The following RBP7 variants were observed in gnomAD, a reference collection of about 807,000 sequenced individuals.
RBP7 encodes the protein retinoid-binding protein 7.
In RBP7, 13 loss-of-function variants were observed where a neutral mutation model predicts 16.7. The observed-to-expected ratio is 0.78, with a 90% CI of 0.51 to 1.24. The LOEUF (loss-of-function observed/expected upper bound fraction) is 1.24. Ranked by LOEUF, RBP7 falls within the 50% of genes most tolerant of loss-of-function variation. RBP7 has a pLI of 0.00. For synonymous variants in RBP7, 54 were observed against 56.2 expected (o/e 0.96, Z 0.17); for missense variants, 145 against 159.5 (o/e 0.91, Z 0.49).
chr1:10,011,268 G>A (rs776345790), intron 3 of RBP7, among the ~76,000 whole-genome samples: 1 of 152,032 alleles, frequency 6.6e-6, no homozygotes, highest in East Asian at 1.9e-4. Flanking sequence ...GAAGGAAGAG[G>A]TTCACCTGCT....
At position 10,012,591 on chromosome 1, in the gene RBP7, A is replaced by G. The variant is rs1642655975; in HGVS notation, c.355-3191A>G. 5.3e-5 allele frequency among the ~76,000 whole-genome samples: 8 copies of G among 150,784 alleles called. No individual in the cohort carries two copies. The Admixed American group carries it at 5.3e-4, about 10-fold the overall frequency. ...AAGATTGCTTGAGCCCAGGAGTTTG[A>G]GTCAAGCCTGGGGAACGTAGGACTA... On this transcript the variant is annotated intron_variant, in intron 3 of 3. Coordinates refer to ENST00000294435, the MANE Select transcript of RBP7 (RefSeq NM_052960.3).
rs772810621 is a variant in RBP7 at position 9,998,407 on chromosome 1, CT to C, written c.73+1094del. On this transcript the variant is annotated intron_variant, in intron 1 of 3. Coordinates refer to ENST00000294435, the MANE Select transcript of RBP7 (RefSeq NM_052960.3). ...TCTTTTTTTCTTTCTTTCTTTCTTT[CT>C]TTTTTTTTTTTTTTTTTGAGACGGA... Among the ~76,000 whole-genome samples, 890 of 121,526 alleles carry C rather than the reference CT, an allele frequency of 7.3e-3. 6 individuals are homozygous for C. Among genetic ancestry groups the C allele is most frequent in the African/African-American group, 0.028 (847 of 29,920 alleles). 79.7% of individuals were successfully genotyped at this position (121,526 alleles called of 152,430 possible). A position where few individuals can be genotyped will look rare whatever the true frequency, so the allele number is the denominator to read the frequency against.
intron 3 of RBP7, among the ~76,000 whole-genome samples, chr1:10,012,027 C>T (rs1190568336): frequency 2.0e-5 from 3 of 151,612 alleles, no homozygotes; most frequent in African/African-American, 7.3e-5. Context: ...CATGGAGAAA[C>T]TCCCGTCTCT....
At chr1:10,014,452 C>T (rs1642719320) in intron 3 of RBP7, among the ~76,000 whole-genome samples, 1 of 149,800 alleles carries the variant, frequency 6.7e-6, no homozygotes, top group African/African-American at 2.5e-5. Flanking sequence ...GTGGCGCAAT[C>T]TTGGCTCACT....
At chr1:10,009,662 G>T (rs912978883) in intron 3 of RBP7, among the ~76,000 whole-genome samples, 12 of 151,732 alleles carry the variant, frequency 7.9e-5, no homozygotes, top group Non-Finnish European at 1.6e-4. Context: ...CTCCCGAGTA[G>T]CTGGGACTAC....
At chr1:10,000,151 C>G (rs1345641174) in intron 1 of RBP7, among the ~76,000 whole-genome samples, 1 of 151,924 alleles carries the variant, frequency 6.6e-6, no homozygotes, top group Non-Finnish European at 1.5e-5. Flanking sequence ...TTGCTTGAAC[C>G]CAGAAGGTGG....
intron 1 of RBP7, among the ~76,000 whole-genome samples, chr1:10,000,343 C>T (rs1288000664): frequency 6.6e-6 from 1 of 152,020 alleles, no homozygotes; most frequent in Non-Finnish European, 1.5e-5. Flanking sequence ...ACCAGCCTGG[C>T]CAACATGGTG....
intron 1 of RBP7, among the ~76,000 whole-genome samples, chr1:9,998,534 G>A (rs1009557380): frequency 6.7e-6 from 1 of 149,570 alleles, no homozygotes; most frequent in Non-Finnish European, 1.5e-5. Flanking sequence ...CAGCCTCTCC[G>A]AGTAGCTGGG....
At chr1:10,005,827 T>A (rs1219144210) in intron 1 of RBP7, among the ~76,000 whole-genome samples, 1 of 152,114 alleles carries the variant, frequency 6.6e-6, no homozygotes, top group Non-Finnish European at 1.5e-5. Context: ...CCTCCCAAAG[T>A]GCTGGGATTA....
In RBP7 at chr1:10,015,927, A is replaced by G; in HGVS notation, c.*95A>G. 1 of 1,194,440 alleles carries G rather than the reference A, an allele frequency of 8.4e-7. No homozygotes were observed. 74.0% of individuals were successfully genotyped at this position (1,194,440 alleles called of 1,614,324 possible). A position where few individuals can be genotyped will look rare whatever the true frequency, so the allele number is the denominator to read the frequency against. Reference sequence around the variant, plus strand: ...CGTTTATCTATCCCATTTGGCGACGAGGACTCGTGGCTGGAGAGAGCCACA... The same window carrying G: ...CGTTTATCTATCCCATTTGGCGACGGGGACTCGTGGCTGGAGAGAGCCACA... On this transcript the variant is annotated 3_prime_UTR_variant, in exon 4 of 4. Coordinates refer to ENST00000294435, the MANE Select transcript of RBP7 (RefSeq NM_052960.3).
chr1:10,002,795 G>C (rs1642314220), intron 1 of RBP7, among the ~76,000 whole-genome samples: 1 of 152,030 alleles, frequency 6.6e-6, no homozygotes, highest in Admixed American at 6.6e-5. Context: ...TGAGCCACTG[G>C]ACCTGGCCCA....
intron 3 of RBP7, 56 bp from the exon 4 acceptor site, chr1:10,015,725 TA>T: frequency 6.8e-7 from 1 of 1,466,154 alleles, no homozygotes; most frequent in Non-Finnish European, 9.6e-7. Context: ...GTGTTGAGAG[TA>T]AAAACAGACC....
chr1:10,013,667 G>A (rs989345133), intron 3 of RBP7, among the ~76,000 whole-genome samples: 10 of 151,966 alleles, frequency 6.6e-5, no homozygotes, highest in East Asian at 3.9e-4. Flanking sequence ...AAAATTAGCC[G>A]GGTGTGGTGG....
At chr1:10,014,339 A>G (rs1299702585) in intron 3 of RBP7, among the ~76,000 whole-genome samples, 2 of 151,160 alleles carry the variant, frequency 1.3e-5, no homozygotes, top group South Asian at 2.1e-4. Context: ...ACTTTGCCCT[A>G]TGCGTCTCTT....
chr1:9,997,294 C>T lies in RBP7; in HGVS notation c.36C>T (p.Leu12=), dbSNP rs2101728980. Residue 12 remains leucine, a synonymous_variant, in exon 1 of 4, where the codon CTC becomes CTT. Transcript: ENST00000294435. The surrounding 1 kb of genome is among the most constrained non-coding windows in gnomAD (Gnocchi z 5.9). ...PADLSGTWTL[L]SSDNFEGYML... ...ACCTCAGCGGTACTTGGACCCTGCTCAGCAGCGACAACTTCGAGGGCTACA... is the reference window on the plus strand; with the variant it reads ...ACCTCAGCGGTACTTGGACCCTGCTTAGCAGCGACAACTTCGAGGGCTACA... 2 of 1,611,442 alleles carry T rather than the reference C, an allele frequency of 1.2e-6. No homozygotes were observed. The highest frequency in any genetic ancestry group is 2.7e-5 in the African/African-American group (2 of 74,858).
chr1:10,003,755 TTTTA>T (rs892868533), intron 1 of RBP7, among the ~76,000 whole-genome samples: 52 of 152,110 alleles, frequency 3.4e-4, no homozygotes, highest in Admixed American at 2.4e-3. Context: ...ACATATTTTA[TTTTA>T]TTTATTTATT....
At position 10,007,599 on chromosome 1, in the gene RBP7, A is replaced by T. The variant is rs376604040; in HGVS notation, c.103A>T (p.Lys35Ter). 1.2e-5 allele frequency: 19 copies of T among 1,612,180 alleles called. No individual in the cohort carries two copies. Among genetic ancestry groups the T allele is most frequent in the Non-Finnish European group, 1.6e-5 (19 of 1,179,572 alleles). ...TGACTTTGCCACTCGTAAAATAGCCAAGTTGCTGAAGCCACAGAAAGTGAT... is the reference window on the plus strand; with the variant it reads ...TGACTTTGCCACTCGTAAAATAGCCTAGTTGCTGAAGCCACAGAAAGTGAT... ...GIDFATRKIAKLLKPQKVIEQ... is the reference protein window; with the variant it reads ...GIDFATRKIA Residue 35 changes from lysine to a stop codon, truncating the protein, a stop_gained, in exon 2 of 4, where the codon AAG becomes TAG. Transcript: ENST00000294435. LOFTEE classifies it high-confidence loss of function.
Position 10,010,583 on chromosome 1 carries a change from A to T in RBP7, c.354+2309A>T, listed in dbSNP as rs1381592095. On this transcript the variant is annotated intron_variant, in intron 3 of 3. Coordinates refer to ENST00000294435, the MANE Select transcript of RBP7 (RefSeq NM_052960.3). Reference sequence around the variant, plus strand: ...AGGCACCCGCCACCATGCCCAGCTAATTTTTTTTTTTTTTTTTTGAGACGG... The same window carrying T: ...AGGCACCCGCCACCATGCCCAGCTATTTTTTTTTTTTTTTTTTTGAGACGG... 8.8e-4 allele frequency among the ~76,000 whole-genome samples: 117 copies of T among 132,426 alleles called. 1 individual carries two copies. Among genetic ancestry groups the T allele is most frequent in the African/African-American group, 3.0e-3 (109 of 35,812 alleles). 86.9% of individuals were successfully genotyped at this position (132,426 alleles called of 152,430 possible). A position where few individuals can be genotyped will look rare whatever the true frequency, so the allele number is the denominator to read the frequency against.
At position 9,997,816 on chromosome 1, in the gene RBP7, C is replaced by G. The variant is rs982114716; in HGVS notation, c.73+485C>G. Among the ~76,000 whole-genome samples the G allele has an allele frequency of 6.6e-6, 1 of 152,002 alleles. No homozygotes were observed. The highest frequency in any genetic ancestry group is 2.4e-5 in the African/African-American group (1 of 41,434). ...TGCAGGCCCCGGGGCCCCGGGCGCG[C>G]TCCCGCAGCGAAGTCCCAGCAGCCT... On this transcript the variant is annotated intron_variant, in intron 1 of 3. Coordinates refer to ENST00000294435, the MANE Select transcript of RBP7 (RefSeq NM_052960.3). This position sits in a 1 kb window ranked among gnomAD's most constrained non-coding sequence, Gnocchi z 5.9.
Sources: gnomAD v4.1 joint callset for allele counts (sites outside exome capture counted in the v4.1 genomes callset) on GRCh38, gnomAD v4.1.1 for gene constraint, Gnocchi (gnomAD v3.1) non-coding constraint, MANE v1.5 for transcripts, NCBI Gene and HGNC (gene_info 2026-07-23, HGNC 2026-07-21) for gene names.